The following PHF14 variants were observed in gnomAD, a reference collection of about 807,000 sequenced individuals.
PHF14 encodes PHD finger protein 14.
Under a neutral mutation model 117.9 loss-of-function variants are expected in PHF14, and 55 were observed. That is an observed-to-expected ratio of 0.47 (90% CI 0.38 to 0.58). The LOEUF (loss-of-function observed/expected upper bound fraction) is 0.58. Among genes scored for constraint, PHF14 ranks in the 20% least tolerant of loss-of-function variants. The pLI is 0.00. For synonymous variants in PHF14, 409 were observed against 368.6 expected, an observed-to-expected ratio of 1.11 and a Z score of -1.26; for missense variants, 978 against 1,122.2, an observed-to-expected ratio of 0.87 and a Z score of 1.84.
chr7:11,127,508 C>T lies in PHF14; in HGVS notation c.2772+16041C>T, dbSNP rs188492921. On this transcript the variant is annotated intron_variant, in intron 17 of 17. Transcript: ENST00000634607. ...AACAAGCTCAGAAAGAACAGCCATT[C>T]CCACTGCAGCCATGCATCTTTGCTT... Among the ~76,000 whole-genome samples the T allele has an allele frequency of 2.2e-3, 342 of 152,186 alleles. 3 individuals are homozygous for T. Among genetic ancestry groups the T allele is most frequent in the African/African-American group, 7.7e-3 (321 of 41,520 alleles).
intron 4 of PHF14, among the ~76,000 whole-genome samples, chr7:11,000,654 A>G (rs541241306): frequency 6.6e-6 from 1 of 152,220 alleles, no homozygotes; most frequent in East Asian, 1.9e-4. Flanking sequence ...TACCTTTTGT[A>G]TATCTTCTTG....
At position 10,990,911 on chromosome 7, in the gene PHF14, T is replaced by G. The variant is rs1782426251; in HGVS notation, c.1045+64T>G. On this transcript the variant is annotated intron_variant, in intron 4 of 17. Transcript: ENST00000634607. ...GACTGTGGCTCTTTTACATTTGTAC[T>G]AAGGTGGTTCTACAATATTTCATGG... 6.9e-6 allele frequency: 8 copies of G among 1,153,268 alleles called. No homozygotes were observed. The South Asian group carries it at 1.1e-4, about 16-fold the overall frequency. 71.4% of individuals were successfully genotyped at this position (1,153,268 alleles called of 1,614,324 possible).
At chr7:11,069,418 C>G (rs2128332333) in intron 16 of PHF14, among the ~76,000 whole-genome samples, 1 of 152,208 alleles carries the variant, frequency 6.6e-6, no homozygotes, top group Non-Finnish European at 1.5e-5. Context: ...GACGATAAGG[C>G]ACAGGTATTT....
Position 10,982,942 on chromosome 7 carries a change from A to G in PHF14, c.683A>G (p.Gln228Arg), listed in dbSNP as rs749096287. ...VVKRKGRSASQKEGSDGDNED... is the reference protein window; with the variant it reads ...VVKRKGRSASRKEGSDGDNED... Reference sequence around the variant, plus strand: ...AAGAGAAAAGGGAGATCTGCGTCTCAGAAAGAGGGAAGTGATGGAGACAAT... The same window carrying G: ...AAGAGAAAAGGGAGATCTGCGTCTCGGAAAGAGGGAAGTGATGGAGACAAT... The change falls in exon 3 of 18, where the codon CAG becomes CGG. Residue 228 changes from glutamine (Q) to arginine (R), a missense_variant. Coordinates refer to ENST00000634607, the MANE Select transcript of PHF14 (RefSeq NM_001007157.2). The G allele has an allele frequency of 1.9e-6, 3 of 1,602,710 alleles. No homozygotes were observed. The highest frequency in any genetic ancestry group is 2.6e-6 in the Non-Finnish European group (3 of 1,173,992).
intron 17 of PHF14, among the ~76,000 whole-genome samples, chr7:11,150,365 G>T (rs577090237): frequency 2.0e-5 from 3 of 152,074 alleles, no homozygotes; most frequent in African/African-American, 7.2e-5. Context: ...TTATAAAGAC[G>T]AACAGAGGCA....
At chr7:11,120,656 G>A (rs930334983) in intron 17 of PHF14, among the ~76,000 whole-genome samples, 5 of 151,930 alleles carry the variant, frequency 3.3e-5, no homozygotes, top group African/African-American at 1.2e-4. Context: ...TATCCTATCA[G>A]ATTTTCTAAA....
In PHF14 at chr7:11,135,018, C is replaced by A. The variant is rs546854132; in HGVS notation, c.2772+23551C>A. 1.2e-4 allele frequency among the ~76,000 whole-genome samples: 19 copies of A among 152,230 alleles called. No homozygotes were observed. In the South Asian group the frequency reaches 2.9e-3, roughly 23 times the overall value. Reference sequence around the variant, plus strand: ...TTCACTTGACAGACCCTTCTAAGGTCTCTAACTTCCTCTCAGCAATATCCC... The same window carrying A: ...TTCACTTGACAGACCCTTCTAAGGTATCTAACTTCCTCTCAGCAATATCCC... On this transcript the variant is annotated intron_variant, in intron 17 of 17. Coordinates refer to ENST00000634607, the MANE Select transcript of PHF14 (RefSeq NM_001007157.2).
chr7:11,140,563 T>C (rs1320050058), intron 17 of PHF14, among the ~76,000 whole-genome samples: 1 of 152,152 alleles, frequency 6.6e-6, no homozygotes, highest in Non-Finnish European at 1.5e-5. Context: ...AGATCTTTCA[T>C]TGTTCAGCAA....
rs80193059 is a variant in PHF14 at position 11,053,869 on chromosome 7, G to C, written c.2481+2089G>C. 9.4e-3 allele frequency among the ~76,000 whole-genome samples: 1,422 copies of C among 151,548 alleles called. 86 individuals carry two copies. The highest frequency in any genetic ancestry group is 0.082 in the Admixed American group (1,252 of 15,202). On this transcript the variant is annotated intron_variant, in intron 14 of 17. Transcript: ENST00000634607. ...AATATAATCCCATTCCTTTCATCTT[G>C]TTCTTTGTCTCTAGTTTTCTTGTTT...
intron 4 of PHF14, among the ~76,000 whole-genome samples, chr7:11,011,256 TATTC>T (rs1230604030): frequency 8.5e-5 from 13 of 152,248 alleles, no homozygotes; most frequent in African/African-American, 3.1e-4. Flanking sequence ...TTTAACTCAG[TATTC>T]ATTCATTTAT....
chr7:11,090,500 T>G (rs1329126212), intron 16 of PHF14, among the ~76,000 whole-genome samples: 1 of 152,230 alleles, frequency 6.6e-6, no homozygotes, highest in Non-Finnish European at 1.5e-5. Context: ...AATTGCCTGA[T>G]TATATCAAGG....
intron 17 of PHF14, among the ~76,000 whole-genome samples, chr7:11,168,090 A>C (rs1250431887): frequency 6.6e-6 from 1 of 152,176 alleles, no homozygotes; most frequent in Non-Finnish European, 1.5e-5. Context: ...GTTCATTAAT[A>C]AATTTTCAAG....
intron 16 of PHF14, among the ~76,000 whole-genome samples, chr7:11,099,874 C>A (rs1420913692): frequency 6.6e-6 from 1 of 152,076 alleles, no homozygotes; most frequent in African/African-American, 2.4e-5. Flanking sequence ...ATCTGCCTAG[C>A]ATCACTACTA....
chr7:11,104,265 A>G (rs1433357252), intron 16 of PHF14: 3 of 984,550 alleles, frequency 3.0e-6, no homozygotes, highest in Non-Finnish European at 3.6e-6. Context: ...ATTTGGTGCT[A>G]GTCCTAAGAA....
At chr7:11,026,172 C>G (rs566510778) in intron 6 of PHF14, among the ~76,000 whole-genome samples, 45 of 151,932 alleles carry the variant, frequency 3.0e-4, no homozygotes, top group African/African-American at 9.4e-4. Flanking sequence ...GCAACCACCA[C>G]CACCCCCATC....
At chr7:11,100,782 A>G (rs796241791) in intron 16 of PHF14, among the ~76,000 whole-genome samples, 45 of 152,094 alleles carry the variant, frequency 3.0e-4, no homozygotes, top group African/African-American at 1.0e-3. Context: ...TGGTGGAATT[A>G]TAATTTGAGT....
intron 16 of PHF14, among the ~76,000 whole-genome samples, chr7:11,070,585 A>G (rs924758090): frequency 4.6e-5 from 7 of 152,032 alleles, no homozygotes; most frequent in Non-Finnish European, 7.4e-5. Context: ...TACTTCTTTC[A>G]TATATTCTTC....
intron 17 of PHF14, among the ~76,000 whole-genome samples, chr7:11,132,454 A>T (rs1294308939): frequency 6.6e-6 from 1 of 151,660 alleles, no homozygotes; most frequent in Non-Finnish European, 1.5e-5. Context: ...GATAAATAAC[A>T]TCTCATTTAT....
intron 17 of PHF14, among the ~76,000 whole-genome samples, chr7:11,156,097 G>C (rs915425326): frequency 6.6e-6 from 1 of 152,156 alleles, no homozygotes; most frequent in Non-Finnish European, 1.5e-5. Flanking sequence ...CATACCAGTG[G>C]TGGTTTTCAT....
Sources: gnomAD v4.1 joint callset for allele counts (sites outside exome capture counted in the v4.1 genomes callset) on GRCh38, gnomAD v4.1.1 for gene constraint, MANE v1.5 for transcripts, NCBI Gene and HGNC (gene_info 2026-07-23, HGNC 2026-07-21) for gene names.